Variants in NDUFAF2 observed in about 807,000 individuals in gnomAD.
NDUFAF2 encodes NADH:ubiquinone oxidoreductase complex assembly factor 2.
A neutral mutation model predicts 22.8 loss-of-function variants in NDUFAF2; 13 were observed. The ratio of observed to expected loss-of-function variants is 0.57; its 90% confidence interval spans 0.37 to 0.91. The LOEUF (loss-of-function observed/expected upper bound fraction) is 0.91. Among genes scored for constraint, NDUFAF2 ranks in the 40% least tolerant of loss-of-function variants. The pLI is 0.01. For missense variants in NDUFAF2, 162 were observed against 195.2 expected, an observed-to-expected ratio of 0.83 and a Z score of 1.01; for synonymous variants, 53 against 64.2, an observed-to-expected ratio of 0.83 and a Z score of 0.84.
In NDUFAF2 at chr5:61,103,441, C is replaced by T. The variant is rs544695029; in HGVS notation, c.258+4409C>T. Among the ~76,000 whole-genome samples the T allele has an allele frequency of 9.9e-5, 15 of 152,074 alleles. No homozygotes were observed. The South Asian group carries it at 2.3e-3, about 23-fold the overall frequency. On this transcript the variant is annotated intron_variant, in intron 3 of 3. Coordinates refer to ENST00000296597, the MANE Select transcript of NDUFAF2 (RefSeq NM_174889.5). ...CTGATAGAGCTAATCACTACTTTCTCGGTATAACTACACTGCTGTGTACTC... is the reference window on the plus strand; with the variant it reads ...CTGATAGAGCTAATCACTACTTTCTTGGTATAACTACACTGCTGTGTACTC...
At chr5:61,118,199 C>T (rs1382902145) in intron 3 of NDUFAF2, among the ~76,000 whole-genome samples, 2 of 152,054 alleles carry the variant, frequency 1.3e-5, no homozygotes, top group Non-Finnish European at 2.9e-5. Context: ...GGTGTCTTGC[C>T]TTGCAGTTTA....
intron 2 of NDUFAF2, among the ~76,000 whole-genome samples, chr5:61,083,569 A>G (rs1752470360): frequency 6.6e-6 from 1 of 151,712 alleles, no homozygotes; most frequent in African/African-American, 2.4e-5. Context: ...GGCCATCCTG[A>G]CCATGCTGGC....
At chr5:61,031,570 C>CGT (rs1433146663) in intron 1 of NDUFAF2, among the ~76,000 whole-genome samples, 10 of 136,760 alleles carry the variant, frequency 7.3e-5, no homozygotes, top group African/African-American at 2.5e-4. Context: ...TGGTATACTG[C>CGT]ATAGTATTCC....
chr5:61,034,793 A>C (rs1298204549), intron 1 of NDUFAF2, among the ~76,000 whole-genome samples: 2 of 152,204 alleles, frequency 1.3e-5, no homozygotes, highest in Non-Finnish European at 2.9e-5. Flanking sequence ...CAGAAAGACT[A>C]AATCTCAGAA....
intron 1 of NDUFAF2, among the ~76,000 whole-genome samples, chr5:61,006,276 G>T (rs904256969): frequency 1.3e-5 from 2 of 152,090 alleles, no homozygotes; most frequent in South Asian, 4.2e-4. Flanking sequence ...ATTTCCGAGG[G>T]CTCTATTCTG....
chr5:60,965,120 C>G (rs900779197), intron 1 of NDUFAF2, among the ~76,000 whole-genome samples: 3 of 152,092 alleles, frequency 2.0e-5, no homozygotes, highest in African/African-American at 7.2e-5. Flanking sequence ...TCAACTAGGT[C>G]TAGGAACCAC....
At chr5:60,946,702 A>G (rs772886268) in intron 1 of NDUFAF2, among the ~76,000 whole-genome samples, 4 of 152,180 alleles carry the variant, frequency 2.6e-5, no homozygotes, top group African/African-American at 9.7e-5. Flanking sequence ...TATGGTGTAC[A>G]GTTTTATTGT....
chr5:61,020,906 G>A (rs942581236), intron 1 of NDUFAF2, among the ~76,000 whole-genome samples: 1 of 151,688 alleles, frequency 6.6e-6, no homozygotes, highest in Non-Finnish European at 1.5e-5. Flanking sequence ...ATGTTGGTCA[G>A]GCTGGTCTCG....
At chr5:61,095,636 G>C (rs865920831) in intron 2 of NDUFAF2, among the ~76,000 whole-genome samples, 1 of 152,206 alleles carries the variant, frequency 6.6e-6, no homozygotes, top group African/African-American at 2.4e-5. Flanking sequence ...CTGAGTGGCT[G>C]CTCTGCCAAG....
In NDUFAF2 at chr5:61,040,286, A is replaced by ACACGCGCGCGCGCGCGCG. The variant is rs1491193758; in HGVS notation, c.128-32838_128-32837insACGCGCGCGCGCGCGCGC. 3.7e-4 allele frequency among the ~76,000 whole-genome samples: 34 copies of ACACGCGCGCGCGCGCGCG among 93,058 alleles called. 1 individual carries two copies. The highest frequency in any genetic ancestry group is 1.2e-3 in the African/African-American group (27 of 23,020). 61.0% of individuals were successfully genotyped at this position (93,058 alleles called of 152,430 possible). A position where few individuals can be genotyped will look rare whatever the true frequency, so the allele number is the denominator to read the frequency against. On this transcript the variant is annotated intron_variant, in intron 1 of 3. Transcript: ENST00000296597. The stretch of plus-strand genomic sequence containing the variant: ...CACACACACACACACACACACACAC[A>ACACGCGCGCGCGCGCGCG]CGCGCGCGCGCGCGCGAAAGTTGAA...
chr5:61,127,877 T>C (rs1391608754), intron 3 of NDUFAF2, among the ~76,000 whole-genome samples: 1 of 152,130 alleles, frequency 6.6e-6, no homozygotes, highest in East Asian at 1.9e-4. Context: ...GATGACATGA[T>C]TGTATATCTA....
At chr5:60,975,768 C>T (rs1422568980) in intron 1 of NDUFAF2, among the ~76,000 whole-genome samples, 1 of 152,114 alleles carries the variant, frequency 6.6e-6, no homozygotes, top group Non-Finnish European at 1.5e-5. Flanking sequence ...AGAAGGAAAA[C>T]TATGAAAGTC....
chr5:61,031,438 G>A (rs575315201), intron 1 of NDUFAF2, among the ~76,000 whole-genome samples: 22 of 152,170 alleles, frequency 1.4e-4, no homozygotes, highest in Admixed American at 2.6e-4. Context: ...AGTTTGCTGA[G>A]AATGATGGTT....
intron 1 of NDUFAF2, among the ~76,000 whole-genome samples, chr5:60,984,257 G>C (rs1751035434): frequency 6.6e-6 from 1 of 152,176 alleles, no homozygotes; most frequent in Non-Finnish European, 1.5e-5. Flanking sequence ...TGTATCCTGA[G>C]ACTTTGCTGA....
intron 1 of NDUFAF2, among the ~76,000 whole-genome samples, chr5:61,007,513 AAAG>A (rs1751383468): frequency 6.6e-6 from 1 of 152,220 alleles, no homozygotes; most frequent in Non-Finnish European, 1.5e-5. Flanking sequence ...ACACTTCTCA[AAAG>A]AAGACCTTTA....
At chr5:61,021,622 C>T (rs919406686) in intron 1 of NDUFAF2, among the ~76,000 whole-genome samples, 2 of 152,142 alleles carry the variant, frequency 1.3e-5, no homozygotes, top group Non-Finnish European at 2.9e-5. Flanking sequence ...ATTTTCCTTC[C>T]CCCACCTTTC....
chr5:61,132,987 G>A (rs897471476), intron 3 of NDUFAF2, among the ~76,000 whole-genome samples: 2 of 151,950 alleles, frequency 1.3e-5, no homozygotes, highest in Admixed American at 6.6e-5. Flanking sequence ...AATGGTGGCG[G>A]GGGTGGGGGC....
chr5:61,074,148 T>C (rs1040884903), intron 2 of NDUFAF2, among the ~76,000 whole-genome samples: 3 of 152,194 alleles, frequency 2.0e-5, no homozygotes, highest in African/African-American at 4.8e-5. Flanking sequence ...AGGTAGTTAA[T>C]CAATATGTAT....
In NDUFAF2 at chr5:61,152,997, A is replaced by G; in HGVS notation, c.*42A>G. On this transcript the variant is annotated 3_prime_UTR_variant, in exon 4 of 4. Transcript: ENST00000296597. Reference sequence around the variant, plus strand: ...TCTTTTCATGTATATGGATGTGACTATTTTAACAAATAAAAGAAGTGAAAA... The same window carrying G: ...TCTTTTCATGTATATGGATGTGACTGTTTTAACAAATAAAAGAAGTGAAAA... The G allele has an allele frequency of 6.2e-7, 1 of 1,602,046 alleles. No homozygotes were observed.
Sources: allele counts gnomAD v4.1 joint callset (sites outside exome capture counted in the v4.1 genomes callset), GRCh38; gene constraint gnomAD v4.1.1; transcripts MANE v1.5; gene names NCBI Gene and HGNC (gene_info 2026-07-23, HGNC 2026-07-21).